MAGI1: variants seen among roughly 807,000 people sequenced by gnomAD.
The protein encoded by MAGI1 is membrane associated guanylate kinase, WW and PDZ domain containing 1.
MAGI1 carries 58 observed loss-of-function variants against 139.9 expected under a neutral mutation model. The observed-to-expected ratio is 0.41, with a 90% confidence interval of 0.34 to 0.52. MAGI1 has a LOEUF of 0.52. Ranked by LOEUF, MAGI1 falls within the 20% of genes least tolerant of loss-of-function variation. MAGI1 has a pLI of 0.12. For synonymous variants in MAGI1, 812 were observed against 737.9 expected (o/e 1.10, Z -1.63); for missense variants, 1,874 against 1,901.6 (o/e 0.99, Z 0.27).
At chr3:65,659,570 T>C (rs2086077808) in intron 1 of MAGI1, among the ~76,000 whole-genome samples, 1 of 152,182 alleles carries the variant, frequency 6.6e-6, no homozygotes, top group Non-Finnish European at 1.5e-5. Context: ...GGAGTTTTCA[T>C]GAATATCCCA....
chr3:65,949,780 T>C (rs1336499409), intron 1 of MAGI1, among the ~76,000 whole-genome samples: 2 of 152,192 alleles, frequency 1.3e-5, no homozygotes, highest in Middle Eastern at 3.4e-3. Context: ...TTGGCTCCAG[T>C]TTTATATTTA....
intron 1 of MAGI1, among the ~76,000 whole-genome samples, chr3:65,736,297 T>C (rs1340204721): frequency 6.6e-6 from 1 of 152,138 alleles, no homozygotes; most frequent in Non-Finnish European, 1.5e-5. Flanking sequence ...TCAATGGAGT[T>C]CCAGGTGACA....
At chr3:65,975,673 TAAAG>T (rs1013943401) in intron 1 of MAGI1, among the ~76,000 whole-genome samples, 5 of 152,030 alleles carry the variant, frequency 3.3e-5, no homozygotes, top group African/African-American at 9.7e-5. Flanking sequence ...AATAAAATAA[TAAAG>T]AAAGATGATT....
At chr3:65,527,909 G>GAA (rs754762438) in intron 2 of MAGI1, among the ~76,000 whole-genome samples, 16 of 133,052 alleles carry the variant, frequency 1.2e-4, no homozygotes, top group East Asian at 2.2e-4. Flanking sequence ...TCCATCTCAG[G>GAA]AAAAAAAAAA....
At chr3:65,401,960 T>C in intron 12 of MAGI1, 9 of 924,180 alleles carry the variant, frequency 9.7e-6, no homozygotes, top group Non-Finnish European at 1.2e-5. Context: ...TCTTTTTTTT[T>C]CCTCTGCCTT....
intron 18 of MAGI1, among the ~76,000 whole-genome samples, chr3:65,370,848 C>T (rs1203750180): frequency 1.3e-5 from 2 of 152,194 alleles, no homozygotes; most frequent in South Asian, 2.1e-4. Context: ...GCAGAGACGA[C>T]GTCTCGCTAT....
At chr3:65,528,894 A>G (rs992298983) in intron 2 of MAGI1, among the ~76,000 whole-genome samples, 1 of 152,116 alleles carries the variant, frequency 6.6e-6, no homozygotes, top group African/African-American at 2.4e-5. Flanking sequence ...AAAAAATTTA[A>G]AAATTAGCCA....
chr3:65,589,511 T>C (rs1378698706), intron 2 of MAGI1, among the ~76,000 whole-genome samples: 1 of 152,190 alleles, frequency 6.6e-6, no homozygotes, highest in African/African-American at 2.4e-5. Flanking sequence ...CTGTCTTCCT[T>C]GCCTTAGCTT....
intron 2 of MAGI1, among the ~76,000 whole-genome samples, chr3:65,603,300 G>T (rs983353721): frequency 1.3e-5 from 2 of 152,038 alleles, no homozygotes; most frequent in Admixed American, 6.5e-5. Context: ...GATCTCAGAT[G>T]AATATTTAAA....
intron 2 of MAGI1, among the ~76,000 whole-genome samples, chr3:65,600,524 T>G (rs1461058198): frequency 6.6e-6 from 1 of 152,192 alleles, no homozygotes; most frequent in Non-Finnish European, 1.5e-5. Flanking sequence ...CCAGCTTGTG[T>G]GGTCTCCAGC....
At chr3:65,622,218 T>A (rs775461104) in intron 1 of MAGI1, 130 bp from the exon 2 acceptor site, 1 of 719,032 alleles carries the variant, frequency 1.4e-6, no homozygotes, top group Non-Finnish European at 2.5e-6. Flanking sequence ...ATTAGGAGGA[T>A]GTACTTTAGG....
chr3:65,375,000 T>C (rs1485282418), intron 18 of MAGI1, among the ~76,000 whole-genome samples: 1 of 152,210 alleles, frequency 6.6e-6, no homozygotes, highest in African/African-American at 2.4e-5. Context: ...TATTCACTTA[T>C]TCTAAAAAAC....
intron 1 of MAGI1, among the ~76,000 whole-genome samples, chr3:66,010,890 C>T (rs991714948): frequency 6.6e-6 from 1 of 152,116 alleles, no homozygotes; most frequent in Non-Finnish European, 1.5e-5. Context: ...ATCCTAGTGC[C>T]GTAGTGGGTA....
intron 1 of MAGI1, among the ~76,000 whole-genome samples, chr3:65,985,100 A>C (rs1214226436): frequency 6.6e-6 from 1 of 152,152 alleles, no homozygotes; most frequent in Non-Finnish European, 1.5e-5. Flanking sequence ...TGACTTTCAA[A>C]AGGCTCTGTT....
chr3:65,813,323 C>T (rs1362944282), intron 1 of MAGI1, among the ~76,000 whole-genome samples: 1 of 152,000 alleles, frequency 6.6e-6, no homozygotes, highest in African/African-American at 2.4e-5. Context: ...ACTGGCTGCT[C>T]CAGGAAATCC....
chr3:65,929,844 A>C (rs1172186747), intron 1 of MAGI1, among the ~76,000 whole-genome samples: 1 of 152,152 alleles, frequency 6.6e-6, no homozygotes, highest in Non-Finnish European at 1.5e-5. Context: ...AGGCCTGTGG[A>C]ATGGAGAGTG....
In MAGI1 at chr3:65,429,515, C is replaced by T; in HGVS notation, c.2167+5G>A. On this transcript the variant is annotated splice_donor_5th_base_variant and intron_variant, in intron 12 of 22. Transcript: ENST00000402939. ...AAATTCAAAGAACAAAACAACCCTA[C>T]TTACCTCCTCGTTGCACCAACAATG... 1.9e-6 allele frequency: 3 copies of T among 1,602,166 alleles called. No homozygotes were observed. The highest frequency in any genetic ancestry group is 2.2e-5 in the South Asian group (2 of 89,902).
chr3:65,741,920 A>G (rs909246604), intron 1 of MAGI1, among the ~76,000 whole-genome samples: 2 of 152,158 alleles, frequency 1.3e-5, no homozygotes, highest in Admixed American at 6.5e-5. Context: ...CAAATAACTA[A>G]TAAGTGTCAT....
Position 65,430,779 on chromosome 3 carries a change from C to T in MAGI1, c.1466G>A (p.Gly489Glu). ...CTGGAGAAACTCATCAGGTTCATCC[C>T]CTCCAACCACCGTGAAGCCAAAGCC... Reference protein sequence around the residue: ...SRGFGFTVVGGDEPDEFLQIK... With the variant: ...SRGFGFTVVGEDEPDEFLQIK... Residue 489 changes from glycine (G) to glutamate (E), a missense_variant, in exon 11 of 23, where the codon GGG becomes GAG. Physicochemically the swap from Gly to Glu is moderately conservative, Grantham distance 98 (BLOSUM62 -2). Coordinates refer to ENST00000402939, the MANE Select transcript of MAGI1 (RefSeq NM_001033057.2). The T allele has an allele frequency of 1.2e-6, 2 of 1,613,496 alleles. No homozygotes were observed. The highest frequency in any genetic ancestry group is 1.1e-5 in the South Asian group (1 of 91,028).
Sources: allele counts gnomAD v4.1 joint callset (sites outside exome capture counted in the v4.1 genomes callset), GRCh38; gene constraint gnomAD v4.1.1; transcripts MANE v1.5; gene names NCBI Gene and HGNC (gene_info 2026-07-23, HGNC 2026-07-21).